CRTC3: variants seen among roughly 807,000 people sequenced by gnomAD.
CRTC3 encodes CREB regulated transcription coactivator 3.
Under a neutral mutation model 74.5 loss-of-function variants are expected in CRTC3, and 26 were observed. That is an observed-to-expected ratio of 0.35 (90% CI 0.26 to 0.48). The LOEUF is 0.48. Among genes scored for constraint, CRTC3 ranks in the 20% least tolerant of loss-of-function variants. The pLI, the probability that CRTC3 is intolerant of heterozygous loss-of-function variation, is 0.99. For synonymous variants in CRTC3, 377 were observed against 325.8 expected (o/e 1.16, Z -1.69); for missense variants, 760 against 787.3 (o/e 0.97, Z 0.41).
intron 11 of CRTC3, among the ~76,000 whole-genome samples, chr15:90,634,117 A>AT (rs11417692): frequency 0.66 from 98,233 of 148,510 alleles, 33,464 homozygotes; most frequent in Non-Finnish European, 0.76. Context: ...TCAACAATTA[A>AT]TTTTTTTTTT....
At chr15:90,582,227 C>T (rs1249540166) in intron 2 of CRTC3, among the ~76,000 whole-genome samples, 2 of 152,234 alleles carry the variant, frequency 1.3e-5, no homozygotes, top group Non-Finnish European at 2.9e-5. Context: ...GAGAACTACA[C>T]TCAACGGAAG....
chr15:90,623,262 A>C (rs5011653), intron 9 of CRTC3, among the ~76,000 whole-genome samples: 32,786 of 152,036 alleles, frequency 0.22, 3,749 homozygotes, highest in African/African-American at 0.27. Flanking sequence ...CTTACCCATC[A>C]TCAGCCCACC....
chr15:90,636,560 A>G (rs1596150203), intron 11 of CRTC3, among the ~76,000 whole-genome samples: 1 of 152,056 alleles, frequency 6.6e-6, no homozygotes, highest in Non-Finnish European at 1.5e-5. Flanking sequence ...AACAAATGGG[A>G]TCTAATTAAA....
intron 2 of CRTC3, among the ~76,000 whole-genome samples, chr15:90,588,824 C>G (rs999848751): frequency 1.3e-5 from 2 of 152,174 alleles, no homozygotes; most frequent in Non-Finnish European, 2.9e-5. Flanking sequence ...TTCCACCATG[C>G]AGACACTCAT....
chr15:90,644,629 A>G lies in CRTC3; in HGVS notation c.*2489A>G, dbSNP rs757266399. 1.7e-5 allele frequency: 4 copies of G among 232,146 alleles called. No individual in the cohort carries two copies. The highest frequency in any genetic ancestry group is 2.6e-5 in the Non-Finnish European group (3 of 117,438). 14.4% of individuals were successfully genotyped at this position (232,146 alleles called of 1,614,324 possible). On this transcript the variant is annotated 3_prime_UTR_variant, in exon 15 of 15. Coordinates refer to ENST00000268184, the MANE Select transcript of CRTC3 (RefSeq NM_022769.5). ...CTGAATTCAATTTGTCCTTAGGTCT[A>G]TGAGTGAGTCCGATCTTTTCTTGTG...
rs149038663 is a variant in CRTC3 at position 90,638,753 on chromosome 15, T to G, written c.1486T>G (p.Phe496Val). 2.5e-6 allele frequency: 4 copies of G among 1,614,184 alleles called. No homozygotes were observed. Among genetic ancestry groups the G allele is most frequent in the Middle Eastern group, 3.3e-4 (2 of 6,062 alleles). ...CCTGAAGGGCTCATCTTTGACCAACTTCTTCCCAGATGTGGGTTTTGACCA... is the reference window on the plus strand; with the variant it reads ...CCTGAAGGGCTCATCTTTGACCAACGTCTTCCCAGATGTGGGTTTTGACCA... Reference protein sequence around the residue: ...LPAQGSSLTNFFPDVGFDQQS... With the variant: ...LPAQGSSLTNVFPDVGFDQQS... Residue 496 changes from phenylalanine to valine, a missense_variant, in exon 13 of 15, where the codon TTC (phenylalanine) becomes GTC (valine). This residue lies in a region of CRTC3 where 652 missense variants were observed against 635.2 expected (regional missense o/e 1.03). Transcript: ENST00000268184.
chr15:90,640,062 A>C (rs1969385016), intron 13 of CRTC3, among the ~76,000 whole-genome samples: 1 of 151,950 alleles, frequency 6.6e-6, no homozygotes, highest in East Asian at 1.9e-4. Context: ...ATAAGTAAAT[A>C]AAATAATAAT....
In CRTC3 at chr15:90,604,402, A is replaced by C; in HGVS notation, c.431A>C (p.Lys144Thr). 6.2e-7 allele frequency: 1 copy of C among 1,614,044 alleles called. No individual in the cohort carries two copies. The highest frequency in any genetic ancestry group is 2.2e-5 in the East Asian group (1 of 44,890). The change falls in exon 5 of 15, where the codon AAA (lysine) becomes ACA (threonine). Residue 144 changes from lysine to threonine, a missense_variant. Lys to Thr is a moderately conservative substitution (Grantham distance 78). Coordinates refer to ENST00000268184, the MANE Select transcript of CRTC3 (RefSeq NM_022769.5). ...ESWPRQQPPW[K>T]DEKHPGFRLT... ...TTTTAAAGGCAGCAGCCTCCTTGGA[A>C]AGACGAAAAGCATCCTGGGTTCAGG... is the stretch of plus-strand genomic sequence containing the variant.
Position 90,539,584 on chromosome 15 carries a change from G to T in CRTC3, c.133-455G>T, listed in dbSNP as rs1158694475. Reference sequence around the variant, plus strand: ...ATTACTCTGTAATAGCATAGAAAAGGCTTATGATGAGCATGCTAGGTTGTA... The same window carrying T: ...ATTACTCTGTAATAGCATAGAAAAGTCTTATGATGAGCATGCTAGGTTGTA... On this transcript the variant is annotated intron_variant, in intron 1 of 14. Coordinates refer to ENST00000268184, the MANE Select transcript of CRTC3 (RefSeq NM_022769.5). 1.7e-5 allele frequency: 3 copies of T among 176,878 alleles called. No homozygotes were observed. The South Asian group carries it at 3.8e-4, about 22-fold the overall frequency. 11.0% of individuals were successfully genotyped at this position (176,878 alleles called of 1,614,324 possible).
chr15:90,572,134 C>T (rs551929044), intron 2 of CRTC3, among the ~76,000 whole-genome samples: 22 of 143,014 alleles, frequency 1.5e-4, no homozygotes, highest in African/African-American at 4.5e-4. Flanking sequence ...CGTACTCCAG[C>T]GTGGCTGACA....
chr15:90,561,942 GC>G (rs1967020154), intron 2 of CRTC3, among the ~76,000 whole-genome samples: 1 of 152,224 alleles, frequency 6.6e-6, no homozygotes, highest in Admixed American at 6.5e-5. Context: ...TTCTACACAG[GC>G]CTTGATGCCA....
intron 2 of CRTC3, among the ~76,000 whole-genome samples, chr15:90,582,828 A>AG (rs1967574481): frequency 6.6e-6 from 1 of 152,134 alleles, no homozygotes; most frequent in African/African-American, 2.4e-5. Context: ...GCTGGAGGGA[A>AG]GATGCTGGGG....
chr15:90,555,654 A>G (rs1365416720), intron 2 of CRTC3, among the ~76,000 whole-genome samples: 1 of 152,094 alleles, frequency 6.6e-6, no homozygotes, highest in African/African-American at 2.4e-5. Flanking sequence ...AGTAGCTGGG[A>G]TTATAGGCAT....
chr15:90,530,133 T>C lies in CRTC3; in HGVS notation c.62T>C (p.Leu21Pro). Residue 21 changes from leucine to proline, a missense_variant, in exon 1 of 15, where the codon CTG (leucine) becomes CCG (proline). Leu to Pro is a moderately conservative substitution (Grantham distance 98, BLOSUM62 -3). This residue lies in a region of CRTC3 where 108 missense variants were observed against 152.1 expected (regional missense o/e 0.71). Coordinates refer to ENST00000268184, the MANE Select transcript of CRTC3 (RefSeq NM_022769.5). The surrounding 1 kb of genome is among the most constrained non-coding windows in gnomAD (Gnocchi z 6.2). ...NPRKFSEKIA[L>P]HTQRQAEETR... ...CGGAAGTTCAGTGAGAAGATCGCGC[T>C]GCACACGCAGAGACAGGCCGAGGAG... 6.9e-7 allele frequency: 1 copy of C among 1,458,876 alleles called. No homozygotes were observed. The highest frequency in any genetic ancestry group is 9.2e-7 in the Non-Finnish European group (1 of 1,090,456). 90.4% of individuals were successfully genotyped at this position (1,458,876 alleles called of 1,614,324 possible). A position where few individuals can be genotyped will look rare whatever the true frequency, so the allele number is the denominator to read the frequency against.
chr15:90,545,146 G>T (rs962660757), intron 2 of CRTC3, among the ~76,000 whole-genome samples: 1 of 152,172 alleles, frequency 6.6e-6, no homozygotes, highest in South Asian at 2.1e-4. Flanking sequence ...TGTCTTCAGG[G>T]TTCACCCGTG....
Position 90,601,937 on chromosome 15 carries a change from G to A in CRTC3, c.352-387G>A, listed in dbSNP as rs576615331. On this transcript the variant is annotated intron_variant, in intron 3 of 14. Coordinates refer to ENST00000268184, the MANE Select transcript of CRTC3 (RefSeq NM_022769.5). ...CTCCTTGGTTCTGTTTGCGTCGTGA[G>A]CCGATCCCTGAGCCAAACACTGTTT... Among the ~76,000 whole-genome samples, 18 of 152,204 alleles carry A rather than the reference G, an allele frequency of 1.2e-4. 1 individual carries two copies. The East Asian group carries it at 3.5e-3, about 29-fold the overall frequency.
At chr15:90,612,825 G>T (rs1348961485) in intron 6 of CRTC3, among the ~76,000 whole-genome samples, 3 of 152,028 alleles carry the variant, frequency 2.0e-5, no homozygotes, top group Admixed American at 1.3e-4. Flanking sequence ...TGTTCACACT[G>T]CCTGTCTTTT....
At chr15:90,540,657 C>G (rs953074702) in intron 2 of CRTC3, among the ~76,000 whole-genome samples, 2 of 152,062 alleles carry the variant, frequency 1.3e-5, no homozygotes, top group African/African-American at 2.4e-5. Context: ...GCTGTAGTCC[C>G]AGCTACTTGG....
rs943305358 is a variant in CRTC3 at position 90,643,047 on chromosome 15, CCCAGAGCTGT to C, written c.*908_*917del. ...GAGCAACTGAGCTTCCCCATCCCTC[CCCAGAGCTGT>C]GTCTCTGTGGGCTGGGAGTCTAATG... On this transcript the variant is annotated 3_prime_UTR_variant, in exon 15 of 15. Transcript: ENST00000268184. 1.7e-5 allele frequency: 4 copies of C among 232,284 alleles called. No individual in the cohort carries two copies. The highest frequency in any genetic ancestry group is 3.4e-5 in the Non-Finnish European group (4 of 117,568). The allele number at this position is 232,284 out of a possible 1,614,324, so 14.4% of individuals were successfully genotyped here.
Sources: allele counts gnomAD v4.1 joint callset (sites outside exome capture counted in the v4.1 genomes callset), GRCh38; gene constraint gnomAD v4.1.1; regional missense constraint gnomAD v4.1.1; non-coding constraint Gnocchi (gnomAD v3.1); transcripts MANE v1.5; gene names NCBI Gene and HGNC (gene_info 2026-07-23, HGNC 2026-07-21).